Variants in IL33 observed in about 807,000 individuals in gnomAD.
IL33 encodes interleukin-33.
IL33 carries 37 observed loss-of-function variants against 27.3 expected under a neutral mutation model. The ratio of observed to expected loss-of-function variants is 1.36; its 90% CI spans 1.04 to 1.78. The LOEUF (loss-of-function observed/expected upper bound fraction) is 1.78. Among genes scored for constraint, IL33 ranks in the 40% most tolerant of loss-of-function variants. IL33 has a pLI of 0.00. For missense variants in IL33, 406 were observed against 311.4 expected (o/e 1.30, Z -2.29); for synonymous variants, 132 against 102.9 (o/e 1.28, Z -1.71).
chr9:6,252,104 A>T (rs967863341), intron 4 of IL33, among the ~76,000 whole-genome samples: 1 of 148,822 alleles, frequency 6.7e-6, no homozygotes, highest in African/African-American at 2.5e-5. Flanking sequence ...AACCAACTTT[A>T]CCTGGAAATT....
intron 2 of IL33, among the ~76,000 whole-genome samples, chr9:6,250,123 A>G (rs1191234243): frequency 1.3e-5 from 2 of 152,186 alleles, no homozygotes. Flanking sequence ...TGACAGCAAA[A>G]TATGACCTAA....
At chr9:6,224,120 T>C (rs952534024) in intron 1 of IL33, among the ~76,000 whole-genome samples, 3 of 152,162 alleles carry the variant, frequency 2.0e-5, no homozygotes, top group African/African-American at 4.8e-5. Flanking sequence ...TATAAGCACT[T>C]AATTCATCCT....
At chr9:6,243,931 T>C (rs1819680418) in intron 2 of IL33, among the ~76,000 whole-genome samples, 2 of 152,248 alleles carry the variant, frequency 1.3e-5, no homozygotes, top group African/African-American at 2.4e-5. Flanking sequence ...CTAATTTGAC[T>C]GTGGTTTCTG....
intron 4 of IL33, 80 bp downstream of exon 4, chr9:6,251,345 C>CT: frequency 1.9e-6 from 3 of 1,579,678 alleles, no homozygotes; most frequent in Middle Eastern, 1.9e-4. Context: ...CTCCAGGTAG[C>CT]AGTCCCAAGT....
Position 6,253,529 on chromosome 9 carries a change from G to T in IL33, c.470-23G>T, listed in dbSNP as rs1816534540. On this transcript the variant is annotated intron_variant, in intron 5 of 7. Transcript: ENST00000682010. ...TTAACAAAATTGTGTCTCACCAGAGGGATTTTATGCATTCTCTTTCAGATA... is the reference window on the plus strand; with the variant it reads ...TTAACAAAATTGTGTCTCACCAGAGTGATTTTATGCATTCTCTTTCAGATA... The T allele has an allele frequency of 1.9e-6, 3 of 1,574,838 alleles. No individual in the cohort carries two copies. In the East Asian group the frequency reaches 6.8e-5, roughly 35 times the overall value.
intron 1 of IL33, among the ~76,000 whole-genome samples, chr9:6,240,341 G>C (rs1819459814): frequency 6.6e-6 from 1 of 152,124 alleles, no homozygotes; most frequent in African/African-American, 2.4e-5. Flanking sequence ...GTGGGGTGGA[G>C]GGGTTCAGCT....
chr9:6,254,371 ATC>A (rs1816598584), intron 6 of IL33, 89 bp from the exon 7 acceptor site: 1 of 737,220 alleles, frequency 1.4e-6, no homozygotes, highest in Non-Finnish European at 2.1e-6. Flanking sequence ...TTTATGTAAC[ATC>A]TTAGACTTTT....
At chr9:6,250,441 T>C (rs1453153880) in intron 2 of IL33, 33 bp from the exon 3 acceptor site, 2 of 1,607,902 alleles carry the variant, frequency 1.2e-6, no homozygotes, top group Non-Finnish European at 1.7e-6. Context: ...ATGAATGGAA[T>C]GAAACAGTCT....
rs1819419635 is a variant in IL33, at chr9:6,239,673, G to C, written c.-11-2011G>C. Among the ~76,000 whole-genome samples, 3 of 152,110 alleles carry C rather than the reference G, an allele frequency of 2.0e-5. No homozygotes were observed. In the South Asian group the frequency reaches 6.2e-4, roughly 32 times the overall value. On this transcript the variant is annotated intron_variant, in intron 1 of 7. Coordinates refer to ENST00000682010, the MANE Select transcript of IL33 (RefSeq NM_033439.4). ...CTTCTGCTCTAACCTCACCCTTGGT[G>C]TGTCCACCTTCCTTGATTTCCTCAG... is the stretch of plus-strand genomic sequence containing the variant.
intron 2 of IL33, among the ~76,000 whole-genome samples, chr9:6,244,819 G>A (rs1440129251): frequency 6.6e-6 from 1 of 152,272 alleles, no homozygotes; most frequent in South Asian, 2.1e-4. Flanking sequence ...AGGCAAGAAA[G>A]CACATTTAAT....
intron 1 of IL33, among the ~76,000 whole-genome samples, chr9:6,237,829 G>A (rs894721607): frequency 1.3e-5 from 2 of 152,132 alleles, no homozygotes; most frequent in African/African-American, 2.4e-5. Flanking sequence ...TTGGGTAGAA[G>A]AGAAAACAAA....
At chr9:6,236,993 T>C (rs1010420438) in intron 1 of IL33, among the ~76,000 whole-genome samples, 2 of 152,244 alleles carry the variant, frequency 1.3e-5, no homozygotes, top group Non-Finnish European at 2.9e-5. Context: ...TCCATCTGCA[T>C]TGCCTCATAC....
At position 6,256,957 on chromosome 9, in the gene IL33, T is replaced by A. The variant is rs1816765395; in HGVS notation, c.*789T>A. ...TTTTAGTTCAGACATAAAATTTCAC[T>A]TATTAGGAATATGTAACATGCTAAA... On this transcript the variant is annotated 3_prime_UTR_variant, in exon 8 of 8. Transcript: ENST00000682010. 6.6e-6 allele frequency: 1 copy of A among 152,210 alleles called. No homozygotes were observed. Among genetic ancestry groups the A allele is most frequent in the Admixed American group, 6.5e-5 (1 of 15,270 alleles). The allele number at this position is 152,210 out of a possible 1,614,324, so 9.4% of individuals were successfully genotyped here. A position where few individuals can be genotyped will look rare whatever the true frequency, so the allele number is the denominator to read the frequency against.
intron 1 of IL33, among the ~76,000 whole-genome samples, chr9:6,224,214 T>C (rs1818534258): frequency 6.6e-6 from 1 of 152,182 alleles, no homozygotes; most frequent in Non-Finnish European, 1.5e-5. Flanking sequence ...CAGTAGCATC[T>C]AGTGGCATAT....
chr9:6,232,410 T>G (rs1818970008), intron 1 of IL33, among the ~76,000 whole-genome samples: 1 of 152,242 alleles, frequency 6.6e-6, no homozygotes, highest in Non-Finnish European at 1.5e-5. Flanking sequence ...TTAAATTATT[T>G]TATTTAATTA....
At chr9:6,220,030 T>C (rs551635053) in intron 1 of IL33, among the ~76,000 whole-genome samples, 2 of 152,246 alleles carry the variant, frequency 1.3e-5, no homozygotes, top group African/African-American at 4.8e-5. Flanking sequence ...TTTTCAAATA[T>C]GAAAATATTG....
At position 6,252,947 on chromosome 9, in the gene IL33, G is replaced by C; in HGVS notation, c.425G>C (p.Ser142Thr). ...QSITFALEDE[S>T]YEIYVEDLKK... ...ATTACTTTTGCTTTGGAGGATGAAA[G>C]TTATGAGATATATGTTGAAGACTTG... The change falls in exon 5 of 8, where the codon AGT (serine) becomes ACT (threonine). Residue 142 changes from serine (S) to threonine (T), a missense_variant. By Grantham distance (58) the Ser-to-Thr change is moderately conservative. Coordinates refer to ENST00000682010, the MANE Select transcript of IL33 (RefSeq NM_033439.4). 6.3e-7 allele frequency: 1 copy of C among 1,594,176 alleles called. No homozygotes were observed. The highest frequency in any genetic ancestry group is 1.1e-5 in the South Asian group (1 of 89,852).
Position 6,257,104 on chromosome 9 carries a change from C to T in IL33, c.*936C>T, listed in dbSNP as rs545692530. 1.3e-5 allele frequency: 2 copies of T among 152,074 alleles called. No homozygotes were observed. The highest frequency in any genetic ancestry group is 4.8e-5 in the African/African-American group (2 of 41,476). 9.4% of individuals were successfully genotyped at this position (152,074 alleles called of 1,614,324 possible). On this transcript the variant is annotated 3_prime_UTR_variant, in exon 8 of 8. Coordinates refer to ENST00000682010, the MANE Select transcript of IL33 (RefSeq NM_033439.4). ...ACCTACCAGAGCCTAGATGAGACAC[C>T]GAATTAACATTAAAATTTCAGTAAC...
At chr9:6,236,018 TACAC>T (rs61318432) in intron 1 of IL33, among the ~76,000 whole-genome samples, 2,745 of 139,766 alleles carry the variant, frequency 0.02, 49 homozygotes, top group African/African-American at 0.057. Context: ...CCCACACCCA[TACAC>T]ACACACACAC....
Sources: gnomAD v4.1 joint callset for allele counts (sites outside exome capture counted in the v4.1 genomes callset) on GRCh38, gnomAD v4.1.1 for gene constraint, MANE v1.5 for transcripts, NCBI Gene and HGNC (gene_info 2026-07-23, HGNC 2026-07-21) for gene names.